CDH13: variants seen among roughly 807,000 people sequenced by gnomAD.
CDH13 encodes the protein cadherin 13, also known as cadherin-13.
In CDH13, 24 loss-of-function variants were observed where a neutral mutation model predicts 63.8. That is an observed-to-expected ratio of 0.38 (90% CI 0.27 to 0.53). The LOEUF is 0.53. Ranked by LOEUF, CDH13 falls within the 20% of genes least tolerant of loss-of-function variation. The pLI, the probability that CDH13 is intolerant of heterozygous loss-of-function variation, is 0.85. For synonymous variants in CDH13, 503 were observed against 355.3 expected, an observed-to-expected ratio of 1.42 and a Z score of -4.67; for missense variants, 1,049 against 903.1, an observed-to-expected ratio of 1.16 and a Z score of -2.07.
At chr16:83,219,428 A>G (rs181619097) in intron 5 of CDH13, among the ~76,000 whole-genome samples, 67 of 152,314 alleles carry the variant, frequency 4.4e-4, no homozygotes, top group African/African-American at 1.6e-3. Flanking sequence ...GAAACTTGAC[A>G]AATTGTCTGC....
At chr16:82,673,453 G>A (rs894529572) in intron 1 of CDH13, among the ~76,000 whole-genome samples, 1 of 152,134 alleles carries the variant, frequency 6.6e-6, no homozygotes, top group African/African-American at 2.4e-5. Context: ...CACAACAAAC[G>A]TTTATTGAGC....
At chr16:83,380,874 G>C (rs1302562251) in intron 6 of CDH13, among the ~76,000 whole-genome samples, 2 of 150,348 alleles carry the variant, frequency 1.3e-5, no homozygotes, top group Non-Finnish European at 3.0e-5. Context: ...AGAGAAGAGT[G>C]TATATTAGGA....
intron 3 of CDH13, among the ~76,000 whole-genome samples, chr16:83,125,116 A>C (rs2035752034): frequency 6.6e-6 from 1 of 152,236 alleles, no homozygotes; most frequent in Non-Finnish European, 1.5e-5. Flanking sequence ...GCAAGCAATG[A>C]GGGATGAGTA....
rs143174976 is a variant in CDH13, at chr16:83,271,229, T to A, written c.636+53732T>A. On this transcript the variant is annotated intron_variant, in intron 5 of 13. Transcript: ENST00000567109. The stretch of plus-strand genomic sequence containing the variant: ...CAGTACAACTGAATCACATATTGTA[T>A]CCTTTCTGGATGAAGTCTGTTAACT... Among the ~76,000 whole-genome samples, 9 of 151,736 alleles carry A rather than the reference T, an allele frequency of 5.9e-5. No homozygotes were observed. The East Asian group carries it at 1.7e-3, about 29-fold the overall frequency.
intron 3 of CDH13, among the ~76,000 whole-genome samples, chr16:83,109,481 T>A (rs2034956178): frequency 6.6e-6 from 1 of 152,182 alleles, no homozygotes; most frequent in South Asian, 2.1e-4. Flanking sequence ...ATGGTGACAG[T>A]GCCACAGGGA....
chr16:82,731,351 A>T (rs180888915), intron 1 of CDH13, among the ~76,000 whole-genome samples: 1 of 152,356 alleles, frequency 6.6e-6, no homozygotes, highest in Non-Finnish European at 1.5e-5. Flanking sequence ...TTACCAAAAC[A>T]ACAGGCTCAC....
chr16:82,822,803 T>A (rs528846956), intron 1 of CDH13, among the ~76,000 whole-genome samples: 1 of 152,356 alleles, frequency 6.6e-6, no homozygotes, highest in South Asian at 2.1e-4. Flanking sequence ...TCTATCTACT[T>A]ATTTTGAAGC....
intron 2 of CDH13, among the ~76,000 whole-genome samples, chr16:82,932,521 G>T (rs1410418243): frequency 2.0e-5 from 3 of 152,174 alleles, no homozygotes; most frequent in Non-Finnish European, 4.4e-5. Flanking sequence ...AGAACTGGCA[G>T]AGCTTCCCAA....
intron 5 of CDH13, among the ~76,000 whole-genome samples, chr16:83,343,682 A>G (rs1169949114): frequency 6.6e-6 from 1 of 152,234 alleles, no homozygotes; most frequent in Admixed American, 6.5e-5. Flanking sequence ...TGTAGCAACA[A>G]TAGCAGCAGT....
In CDH13 at chr16:82,902,091, A is replaced by T. The variant is rs147423549; in HGVS notation, c.157+43618A>T. 3.8e-3 allele frequency among the ~76,000 whole-genome samples: 583 copies of T among 152,322 alleles called. 3 individuals carry two copies. Among genetic ancestry groups the T allele is most frequent in the African/African-American group, 0.013 (549 of 41,574 alleles). Reference sequence around the variant, plus strand: ...AAACTTGGGCTGTTTGCCTATATCAAACTGCCTTTAATTTGCCCATTTTAA... The same window carrying T: ...AAACTTGGGCTGTTTGCCTATATCATACTGCCTTTAATTTGCCCATTTTAA... On this transcript the variant is annotated intron_variant, in intron 2 of 13. Transcript: ENST00000567109.
intron 1 of CDH13, chr16:82,829,258 A>G (rs2615137): frequency 0.86 from 130,737 of 152,076 alleles, 56,280 homozygotes; most frequent in East Asian, 0.95. Context: ...CTCTCCTTCT[A>G]CCCCAGGGTT....
At chr16:83,732,381 G>C (rs1001606200) in intron 10 of CDH13, among the ~76,000 whole-genome samples, 20 of 152,198 alleles carry the variant, frequency 1.3e-4, no homozygotes, top group Non-Finnish European at 2.6e-4. Flanking sequence ...GACGATGGGA[G>C]AGCCTGGCTA....
intron 8 of CDH13, among the ~76,000 whole-genome samples, chr16:83,669,295 G>A (rs1307822908): frequency 6.6e-6 from 1 of 152,130 alleles, no homozygotes; most frequent in Non-Finnish European, 1.5e-5. Flanking sequence ...TAACCCTGGG[G>A]AATCCTGAAT....
At chr16:83,385,814 A>ACTATCTCCT in intron 6 of CDH13, among the ~76,000 whole-genome samples, 1 of 152,306 alleles carries the variant, frequency 6.6e-6, no homozygotes, top group South Asian at 2.1e-4. Context: ...GGCATGTCCC[A>ACTATCTCCT]CTATCTCCTT....
At chr16:82,829,476 C>T (rs934326480) in intron 1 of CDH13, 2 of 151,962 alleles carry the variant, frequency 1.3e-5, no homozygotes, top group African/African-American at 4.8e-5. Flanking sequence ...TCACGGCTAC[C>T]CAAGAGGAAA....
chr16:83,078,653 G>A lies in CDH13; in HGVS notation c.366+46435G>A, dbSNP rs184956519. ...CTGCTATAAGCCACCAAGACTATGG[G>A]TTTTCAGTCAGAATGTAGTTTCCCA... On this transcript the variant is annotated intron_variant, in intron 3 of 13. Transcript: ENST00000567109. 4.3e-4 allele frequency among the ~76,000 whole-genome samples: 65 copies of A among 152,348 alleles called. 2 individuals are homozygous for A. In the South Asian group the frequency reaches 0.01, roughly 24 times the overall value.
chr16:83,723,118 G>A (rs1337296070), intron 10 of CDH13, among the ~76,000 whole-genome samples: 1 of 152,238 alleles, frequency 6.6e-6, no homozygotes, highest in African/African-American at 2.4e-5. Flanking sequence ...CCAGAAGCAA[G>A]GTGATCAATC....
At chr16:82,902,670 G>A (rs182351225) in intron 2 of CDH13, among the ~76,000 whole-genome samples, 3 of 149,714 alleles carry the variant, frequency 2.0e-5, no homozygotes, top group South Asian at 2.1e-4. Flanking sequence ...ATTCATTACT[G>A]CTGGTGAAAT....
intron 4 of CDH13, among the ~76,000 whole-genome samples, chr16:83,193,081 T>G (rs544550931): frequency 6.6e-6 from 1 of 151,108 alleles, no homozygotes; most frequent in East Asian, 2.0e-4. Context: ...ACTTGGAGAG[T>G]ACAAGGGCAT....
Sources: gnomAD v4.1 joint callset for allele counts (sites outside exome capture counted in the v4.1 genomes callset) on GRCh38, gnomAD v4.1.1 for gene constraint, MANE v1.5 for transcripts, NCBI Gene and HGNC (gene_info 2026-07-23, HGNC 2026-07-21) for gene names.